The following GART variants were observed in gnomAD, a reference collection of about 807,000 sequenced individuals.
The protein encoded by GART is phosphoribosylglycinamide formyltransferase, phosphoribosylglycinamide synthetase, phosphoribosylaminoimidazole synthetase.
In GART, 43 loss-of-function variants were observed where a neutral mutation model predicts 107.2. The ratio of observed to expected loss-of-function variants is 0.40; its 90% CI spans 0.31 to 0.52. The LOEUF (loss-of-function observed/expected upper bound fraction) is 0.52, where lower values mean the gene tolerates loss of function less well. GART is among the 20% of genes least tolerant of loss of function. The probability of loss-of-function intolerance (pLI) is 0.52; values close to 1 mark genes in which losing one functional copy is unlikely to be tolerated. For missense variants in GART, 1,107 were observed against 1,206.5 expected, an observed-to-expected ratio of 0.92 and a Z score of 1.22; for synonymous variants, 434 against 427.0, an observed-to-expected ratio of 1.02 and a Z score of -0.20.
intron 18 of GART, among the ~76,000 whole-genome samples, chr21:33,506,431 C>T (rs758409338): frequency 3.3e-5 from 5 of 152,100 alleles, no homozygotes; most frequent in Admixed American, 6.6e-5. Context: ...CATGAGCCAC[C>T]GCGCCCAACC....
intron 5 of GART, chr21:33,531,762 C>G (rs1265170720): frequency 7.6e-6 from 4 of 523,786 alleles, no homozygotes; most frequent in East Asian, 5.9e-5. Flanking sequence ...AACACTGGTA[C>G]AGACGGAATA....
At position 33,532,252 on chromosome 21, in the gene GART, A is replaced by G. The variant is rs2085206195; in HGVS notation, c.528+93T>C. 3 of 844,030 alleles carry G rather than the reference A, an allele frequency of 3.6e-6. No homozygotes were observed. The South Asian group carries it at 4.5e-5, about 13-fold the overall frequency. 52.3% of individuals were successfully genotyped at this position (844,030 alleles called of 1,614,324 possible). The stretch of plus-strand genomic sequence containing the variant: ...ACTTACCCATATGTTTGCAAAATAG[A>G]TTTTCCTTATTGTGAGGAACATTTT... On this transcript the variant is annotated intron_variant, in intron 5 of 21. Transcript: ENST00000381815.
Position 33,511,438 on chromosome 21 carries a change from G to T in GART, c.2128C>A (p.Pro710Thr). The T allele has an allele frequency of 6.2e-7, 1 of 1,613,992 alleles. No individual in the cohort carries two copies. The highest frequency in any genetic ancestry group is 8.5e-7 in the Non-Finnish European group (1 of 1,180,006). ...VDLDAQTWRI[P>T]RVFSWLQQEG... is the part of the protein sequence containing the mutation. ...TGCTGCAACCATGAGAAGACCCTGG[G>T]GATCCTCCAGGTCTGGGCATCTGAA... Residue 710 changes from proline (P) to threonine (T), a missense_variant, in exon 17 of 22, where the codon CCC (proline) becomes ACC (threonine). Transcript: ENST00000381815.
chr21:33,540,882 A>G (rs940029350), intron 1 of GART, among the ~76,000 whole-genome samples: 2 of 152,150 alleles, frequency 1.3e-5, no homozygotes, highest in East Asian at 3.8e-4. Flanking sequence ...TACTATTACT[A>G]TCACCAATTT....
Position 33,531,565 on chromosome 21 carries a change from TA to T in GART, c.529-9del. 6.4e-7 allele frequency: 1 copy of T among 1,570,206 alleles called. No individual in the cohort carries two copies. The highest frequency in any genetic ancestry group is 2.0e-5 in the Admixed American group (1 of 50,864). Reference sequence around the variant, plus strand: ...TGCCCCAAAGGCTTTCTCCTGATTGTAAGATTTTTTTTTTTTTTTTTTTTAA... The same window carrying T: ...TGCCCCAAAGGCTTTCTCCTGATTGTAGATTTTTTTTTTTTTTTTTTTTAA... On this transcript the variant is annotated splice_polypyrimidine_tract_variant and intron_variant, in intron 5 of 21. Coordinates refer to ENST00000381815, the MANE Select transcript of GART (RefSeq NM_000819.5).
intron 11 of GART, among the ~76,000 whole-genome samples, chr21:33,523,362 TC>T (rs1187620158): frequency 6.6e-6 from 1 of 152,216 alleles, no homozygotes; most frequent in African/African-American, 2.4e-5. Context: ...AAACCTTTTC[TC>T]CAGTAGCAAC....
Position 33,520,578 on chromosome 21 carries a change from A to G in GART, c.1504-16T>C. The stretch of plus-strand genomic sequence containing the variant: ...GCTGGGCAATCTATGTAAGAACAAT[A>G]TAAACATCCACATTAGGGAATAAGT... On this transcript the variant is annotated splice_polypyrimidine_tract_variant and intron_variant, in intron 13 of 21. Transcript: ENST00000381815. 1.2e-6 allele frequency: 2 copies of G among 1,603,266 alleles called. No individual in the cohort carries two copies. The highest frequency in any genetic ancestry group is 2.7e-5 in the African/African-American group (2 of 74,810).
rs1282096858 is a variant in GART at position 33,520,418 on chromosome 21, C to T, written c.1648G>A (p.Ala550Thr). Reference protein sequence around the residue: ...CGKLDLSVTEAVVAGIAKACG... With the variant: ...CGKLDLSVTETVVAGIAKACG... ...GCTTTAGCAATTCCAGCAACAACAG[C>T]TTCAGTTACACTGAGGTCAAGTTTT... is the stretch of plus-strand genomic sequence containing the variant. The change falls in exon 14 of 22, where the codon GCT (alanine) becomes ACT (threonine). Residue 550 changes from alanine (A) to threonine (T), a missense_variant. Physicochemically the swap from Ala to Thr is moderately conservative, Grantham distance 58. Coordinates refer to ENST00000381815, the MANE Select transcript of GART (RefSeq NM_000819.5). The T allele has an allele frequency of 1.9e-6, 3 of 1,614,076 alleles. No individual in the cohort carries two copies. The highest frequency in any genetic ancestry group is 3.3e-5 in the Admixed American group (2 of 59,996).
chr21:33,520,436 CAA>C lies in GART; in HGVS notation c.1628_1629del (p.Leu543ArgfsTer6), dbSNP rs1485462525. On this transcript the variant is annotated frameshift_variant, in exon 14 of 22. Coordinates refer to ENST00000381815, the MANE Select transcript of GART (RefSeq NM_000819.5). LOFTEE classifies it high-confidence loss of function. ...ACAACAGCTTCAGTTACACTGAGGTCAAGTTTTCCACAGGAAAAGTAATCAAG... is the reference window on the plus strand; with the variant it reads ...ACAACAGCTTCAGTTACACTGAGGTCGTTTTCCACAGGAAAAGTAATCAAG... The part of the protein sequence containing the change: ...FFLDYFSCGK[L>X]DLSVTEAVVA... 1 of 1,614,140 alleles carries C rather than the reference CAA, an allele frequency of 6.2e-7. No individual in the cohort carries two copies. The highest frequency in any genetic ancestry group is 8.5e-7 in the Non-Finnish European group (1 of 1,180,006).
At chr21:33,529,994 C>A in intron 7 of GART, among the ~76,000 whole-genome samples, 1 of 151,896 alleles carries the variant, frequency 6.6e-6, no homozygotes, top group East Asian at 2.0e-4. Context: ...GAGATCCAGA[C>A]CATACTGGCC....
chr21:33,513,886 T>C (rs147431459), intron 16 of GART, among the ~76,000 whole-genome samples: 84 of 152,302 alleles, frequency 5.5e-4, no homozygotes, highest in African/African-American at 1.9e-3. Context: ...ACAAAATATT[T>C]ATAGGAAAAA....
chr21:33,517,742 A>G (rs1482837171), intron 14 of GART, 134 bp from the exon 15 acceptor site: 1 of 888,516 alleles, frequency 1.1e-6, no homozygotes, highest in African/African-American at 1.7e-5. Flanking sequence ...AATGTACTCT[A>G]CCAGCTGTCT....
intron 18 of GART, 22 bp from the exon 19 acceptor site, chr21:33,506,126 A>T: frequency 6.2e-7 from 1 of 1,602,780 alleles, no homozygotes; most frequent in East Asian, 2.2e-5. Flanking sequence ...GAAAAACAGC[A>T]GTGAGCTCAT....
intron 16 of GART, among the ~76,000 whole-genome samples, chr21:33,516,529 G>A (rs138223429): frequency 1.0e-3 from 154 of 152,280 alleles, no homozygotes; most frequent in Middle Eastern, 6.8e-3. Flanking sequence ...TTCTTCCTAT[G>A]TTAATGATGT....
Position 33,505,554 on chromosome 21 carries a change from T to G in GART, c.2725+7A>C, listed in dbSNP as rs1382009535. 6.3e-7 allele frequency: 1 copy of G among 1,584,032 alleles called. No homozygotes were observed. The highest frequency in any genetic ancestry group is 1.9e-5 in the Admixed American group (1 of 52,102). ...TCCCAATGTGATGTCAAATAATTTT[T>G]GCTTACCATTCCACTTTTGGACAAA... On this transcript the variant is annotated splice_region_variant and intron_variant, in intron 20 of 21. Coordinates refer to ENST00000381815, the MANE Select transcript of GART (RefSeq NM_000819.5).
At chr21:33,537,521 T>C (rs1251431187) in intron 2 of GART, among the ~76,000 whole-genome samples, 10 of 152,050 alleles carry the variant, frequency 6.6e-5, no homozygotes, top group Admixed American at 6.5e-4. Context: ...AGACAGACAA[T>C]AGTGAAGTAA....
chr21:33,506,976 C>A (rs879493841), intron 18 of GART, among the ~76,000 whole-genome samples: 4 of 151,958 alleles, frequency 2.6e-5, no homozygotes, highest in Admixed American at 6.6e-5. Flanking sequence ...TAAATTAGTA[C>A]AATTATTATG....
In GART at chr21:33,528,546, AT is replaced by A; in HGVS notation, c.869del (p.Asn290IlefsTer11). On this transcript the variant is annotated frameshift_variant, in exon 9 of 22. Coordinates refer to ENST00000381815, the MANE Select transcript of GART (RefSeq NM_000819.5). LOFTEE classifies it high-confidence loss of function. ...TKNGPKVLEF[N>X]CRFGDPECQV... ...GGCACTCTGGATCACCAAAACGGCA[AT>A]TAAACTCTAGAACTTTTGGGCCATT... is the stretch of plus-strand genomic sequence containing the variant. 6.2e-7 allele frequency: 1 copy of A among 1,610,620 alleles called. No individual in the cohort carries two copies. Among genetic ancestry groups the A allele is most frequent in the Non-Finnish European group, 8.5e-7 (1 of 1,179,146 alleles).
intron 17 of GART, 71 bp downstream of exon 17, chr21:33,511,181 G>C: frequency 1.3e-6 from 2 of 1,518,412 alleles, no homozygotes; most frequent in Non-Finnish European, 1.8e-6. Flanking sequence ...AAGCTTGTGA[G>C]GCAAGGCTGA....
Sources: allele counts gnomAD v4.1 joint callset (sites outside exome capture counted in the v4.1 genomes callset), GRCh38; gene constraint gnomAD v4.1.1; transcripts MANE v1.5; gene names NCBI Gene and HGNC (gene_info 2026-07-23, HGNC 2026-07-21).